Variants in GZMK observed in about 807,000 individuals in gnomAD.
GZMK encodes granzyme K.
GZMK carries 18 observed loss-of-function variants against 22.8 expected under a neutral mutation model. The ratio of observed to expected loss-of-function variants is 0.79; its 90% confidence interval spans 0.54 to 1.17. The LOEUF is 1.17. GZMK is among the 50% of genes most tolerant of loss of function. The pLI is 0.00. For missense variants in GZMK, 342 were observed against 320.2 expected, an observed-to-expected ratio of 1.07 and a Z score of -0.52; for synonymous variants, 136 against 115.0, an observed-to-expected ratio of 1.18 and a Z score of -1.17.
In GZMK at chr5:55,031,573, T is replaced by C; in HGVS notation, c.573T>C (p.Pro191=). 3 of 1,613,638 alleles carry C rather than the reference T, an allele frequency of 1.9e-6. No individual in the cohort carries two copies. The highest frequency in any genetic ancestry group is 2.5e-6 in the Non-Finnish European group (3 of 1,179,524). The change falls in exon 4 of 5, where the codon CCT becomes CCC. Residue 191 remains proline (P), a synonymous_variant. Coordinates refer to ENST00000231009, the MANE Select transcript of GZMK (RefSeq NM_002104.3). ...GCCAAAGTTACTACAACGGCGACCC[T>C]TTTATCACCAAAGACATGGTCTGTG... ...CNSQSYYNGD[P]FITKDMVCAG...
intron 2 of GZMK, among the ~76,000 whole-genome samples, chr5:55,029,505 T>C (rs1741186786): frequency 6.6e-6 from 1 of 152,054 alleles, no homozygotes; most frequent in African/African-American, 2.4e-5. Context: ...AGTCTAGGCA[T>C]GTGGGTGAGC....
In GZMK at chr5:55,024,381, ATG is replaced by A. The variant is rs747110871; in HGVS notation, c.64+1_64+2del. 3 of 1,421,814 alleles carry A rather than the reference ATG, an allele frequency of 2.1e-6. No homozygotes were observed. The South Asian group carries it at 3.5e-5, about 16-fold the overall frequency. 88.1% of individuals were successfully genotyped at this position (1,421,814 alleles called of 1,614,324 possible). A position where few individuals can be genotyped will look rare whatever the true frequency, so the allele number is the denominator to read the frequency against. ...CTAATAGTTGGGGCTTATATGACTCATGTGTGTAAGTATCTCCTATATCTACA... is the reference window on the plus strand; with the variant it reads ...CTAATAGTTGGGGCTTATATGACTCATGTGTAAGTATCTCCTATATCTACA... On this transcript the variant is annotated frameshift_variant, in exon 1 of 5. Coordinates refer to ENST00000231009, the MANE Select transcript of GZMK (RefSeq NM_002104.3). LOFTEE classifies it high-confidence loss of function.
At chr5:55,027,863 G>A (rs563737709) in intron 2 of GZMK, among the ~76,000 whole-genome samples, 2 of 152,186 alleles carry the variant, frequency 1.3e-5, no homozygotes, top group African/African-American at 4.8e-5. Context: ...CCTGTGCTGT[G>A]CAACTGAAAA....
chr5:55,029,128 G>A (rs751442368), intron 2 of GZMK, among the ~76,000 whole-genome samples: 6 of 152,020 alleles, frequency 3.9e-5, no homozygotes, highest in African/African-American at 7.2e-5. Flanking sequence ...CCAGCCTCTC[G>A]GGAGGCTGAG....
At chr5:55,031,330 A>G in intron 3 of GZMK, 34 bp from the exon 4 acceptor site, 1 of 1,592,458 alleles carries the variant, frequency 6.3e-7, no homozygotes, top group Admixed American at 1.7e-5. Context: ...TACTACTGGG[A>G]AAGAAATAAT....
rs770055265 is a variant in GZMK, at chr5:55,031,598, G to T, written c.598G>T (p.Ala200Ser). Residue 200 changes from alanine (A) to serine (S), a missense_variant, in exon 4 of 5, where the codon GCA becomes TCA. Coordinates refer to ENST00000231009, the MANE Select transcript of GZMK (RefSeq NM_002104.3). ...DPFITKDMVC[A>S]GDAKGQKDSC... is the part of the protein sequence containing the mutation. ...TTTTATCACCAAAGACATGGTCTGT[G>T]CAGGAGATGCCAAAGGCCAGAAGGA... is the stretch of plus-strand genomic sequence containing the variant. The T allele has an allele frequency of 3.1e-6, 5 of 1,613,974 alleles. No individual in the cohort carries two copies. The highest frequency in any genetic ancestry group is 3.4e-6 in the Non-Finnish European group (4 of 1,179,864).
At position 55,031,445 on chromosome 5, in the gene GZMK, T is replaced by A. The variant is rs1245064250; in HGVS notation, c.445T>A (p.Cys149Ser). ...SKTSLRSGTK[C>S]KVTGWGATDP... ...AACCTCTCTTAGATCTGGAACCAAATGCAAGGTTACTGGCTGGGGAGCCAC... is the reference window on the plus strand; with the variant it reads ...AACCTCTCTTAGATCTGGAACCAAAAGCAAGGTTACTGGCTGGGGAGCCAC... Residue 149 changes from cysteine (C) to serine (S), a missense_variant, in exon 4 of 5, where the codon TGC (cysteine) becomes AGC (serine). By Grantham distance (112) the Cys-to-Ser change is moderately radical (BLOSUM62 -1). Coordinates refer to ENST00000231009, the MANE Select transcript of GZMK (RefSeq NM_002104.3). 6.2e-7 allele frequency: 1 copy of A among 1,613,658 alleles called. No individual in the cohort carries two copies. Among genetic ancestry groups the A allele is most frequent in the African/African-American group, 1.3e-5 (1 of 74,912 alleles).
chr5:55,030,014 T>G (rs2111614782), intron 2 of GZMK, among the ~76,000 whole-genome samples: 1 of 152,360 alleles, frequency 6.6e-6, no homozygotes, highest in South Asian at 2.1e-4. Flanking sequence ...TCTTATACCA[T>G]TATGTATACT....
intron 2 of GZMK, among the ~76,000 whole-genome samples, chr5:55,027,876 A>G (rs531048566): frequency 1.3e-5 from 2 of 152,344 alleles, no homozygotes; most frequent in South Asian, 4.1e-4. Flanking sequence ...ACTGAAAAAC[A>G]CTGGCATTAT....
chr5:55,028,490 G>A (rs1273328356), intron 2 of GZMK: 2 of 152,226 alleles, frequency 1.3e-5, no homozygotes, highest in Non-Finnish European at 2.9e-5. Flanking sequence ...AAACCAAAAA[G>A]TGGTCATTCC....
At position 55,034,085 on chromosome 5, in the gene GZMK, T is replaced by C. The variant is rs17681401; in HGVS notation, c.*159T>C. On this transcript the variant is annotated 3_prime_UTR_variant, in exon 5 of 5. Transcript: ENST00000231009. ...AGTTCTTTTTCACTTGTATCACTGA[T>C]GTATTTCTACCATGCTGGTTTTATT... 0.15 allele frequency: 86,033 copies of C among 558,864 alleles called. 7,715 individuals are homozygous for C. The highest frequency in any genetic ancestry group is 0.19 in the Non-Finnish European group (61,505 of 319,772). The allele number at this position is 558,864 out of a possible 1,614,324, so 34.6% of individuals were successfully genotyped here.
chr5:55,031,390 A>G lies in GZMK; in HGVS notation c.390A>G (p.Lys130=), dbSNP rs764476549. The G allele has an allele frequency of 6.2e-7, 1 of 1,613,576 alleles. No individual in the cohort carries two copies. The highest frequency in any genetic ancestry group is 1.1e-5 in the South Asian group (1 of 91,028). ...VKLQTAAKLN[K]HVKMLHIRSK... ...TTCAAACAGCCGCAAAACTCAATAAACATGTCAAGATGCTCCACATAAGAT... is the reference window on the plus strand; with the variant it reads ...TTCAAACAGCCGCAAAACTCAATAAGCATGTCAAGATGCTCCACATAAGAT... The change falls in exon 4 of 5, where the codon AAA becomes AAG. Residue 130 remains lysine (K), a synonymous_variant. Coordinates refer to ENST00000231009, the MANE Select transcript of GZMK (RefSeq NM_002104.3).
At chr5:55,029,767 G>T (rs1224183297) in intron 2 of GZMK, among the ~76,000 whole-genome samples, 1 of 151,984 alleles carries the variant, frequency 6.6e-6, no homozygotes, top group Non-Finnish European at 1.5e-5. Context: ...TATTGCCCAG[G>T]TTTCTCTCAA....
At position 55,033,919 on chromosome 5, in the gene GZMK, C is replaced by A. The variant is rs752900753; in HGVS notation, c.788C>A (p.Thr263Lys). ...WIKSNLVPPH[T>K]N ...AAAAGCAACCTTGTCCCGCCTCATA[C>A]AAATTAAGTTACAAATAATTTTATT... The change falls in exon 5 of 5, where the codon ACA (threonine) becomes AAA (lysine). Residue 263 changes from threonine to lysine, a missense_variant. By Grantham distance (78) the Thr-to-Lys change is moderately conservative. Transcript: ENST00000231009. 1.3e-6 allele frequency: 2 copies of A among 1,598,246 alleles called. No individual in the cohort carries two copies. Among genetic ancestry groups the A allele is most frequent in the East Asian group, 4.5e-5 (2 of 44,814 alleles).
chr5:55,027,010 G>T lies in GZMK; in HGVS notation c.212+2203G>T, dbSNP rs149760916. 1,019 of 152,118 alleles carry T rather than the reference G, an allele frequency of 6.7e-3. 12 individuals carry two copies. The highest frequency in any genetic ancestry group is 0.01 in the Middle Eastern group (3 of 294). 9.4% of individuals were successfully genotyped at this position (152,118 alleles called of 1,614,324 possible). ...TGCTCAAGGCTCCTGGAACAAAATG[G>T]TTCAATGTTCAGGCTCTAGATTCAA... is the stretch of plus-strand genomic sequence containing the variant. On this transcript the variant is annotated intron_variant, in intron 2 of 4. Coordinates refer to ENST00000231009, the MANE Select transcript of GZMK (RefSeq NM_002104.3).
chr5:55,027,238 C>T (rs1434494450), intron 2 of GZMK, among the ~76,000 whole-genome samples: 2 of 152,166 alleles, frequency 1.3e-5, no homozygotes, highest in Non-Finnish European at 2.9e-5. Flanking sequence ...TAGATGTTAT[C>T]GAGTATTGTT....
At chr5:55,029,246 C>T (rs564178900) in intron 2 of GZMK, among the ~76,000 whole-genome samples, 3 of 151,118 alleles carry the variant, frequency 2.0e-5, no homozygotes, top group Non-Finnish European at 4.4e-5. Context: ...AAAAAAAAAA[C>T]GTTAAAAAAG....
Position 55,024,672 on chromosome 5 carries a change from A to G in GZMK, c.77A>G (p.Glu26Gly). 1 of 1,606,964 alleles carries G rather than the reference A, an allele frequency of 6.2e-7. No homozygotes were observed. The highest frequency in any genetic ancestry group is 1.7e-4 in the Middle Eastern group (1 of 6,028). Reference sequence around the variant, plus strand: ...TCTACTTTTGTAGGTTTCAATATGGAAATTATTGGAGGGAAAGAAGTGTCA... The same window carrying G: ...TCTACTTTTGTAGGTTTCAATATGGGAATTATTGGAGGGAAAGAAGTGTCA... ...AYMTHVCFNMEIIGGKEVSPH... is the reference protein window; with the variant it reads ...AYMTHVCFNMGIIGGKEVSPH... The change falls in exon 2 of 5, where the codon GAA (glutamate) becomes GGA (glycine). Residue 26 changes from glutamate (E) to glycine (G), a missense_variant. Transcript: ENST00000231009.
chr5:55,033,593 C>A (rs1188742955), intron 4 of GZMK, 172 bp from the exon 5 acceptor site: 1 of 537,670 alleles, frequency 1.9e-6, no homozygotes, highest in Non-Finnish European at 3.3e-6. Flanking sequence ...TTGACAGAGA[C>A]AGGCACATGG....
Sources: allele counts gnomAD v4.1 joint callset (sites outside exome capture counted in the v4.1 genomes callset), GRCh38; gene constraint gnomAD v4.1.1; transcripts MANE v1.5; gene names NCBI Gene and HGNC (gene_info 2026-07-23, HGNC 2026-07-21).